FAM110B: variants seen among roughly 807,000 people sequenced by gnomAD.
The protein encoded by FAM110B is family with sequence similarity 110 member B.
FAM110B carries 6 observed loss-of-function variants against 20.4 expected under a neutral mutation model. That is an observed-to-expected ratio of 0.29 (90% CI 0.16 to 0.58). FAM110B has a LOEUF of 0.58. Among genes scored for constraint, FAM110B ranks in the 20% least tolerant of loss-of-function variants. The pLI, the probability that FAM110B is intolerant of heterozygous loss-of-function variation, is 0.90. For synonymous variants in FAM110B, 226 were observed against 214.1 expected (o/e 1.06, Z -0.49); for missense variants, 434 against 498.2 (o/e 0.87, Z 1.23).
At chr8:58,139,478 T>A (rs1803692235) in intron 3 of FAM110B, among the ~76,000 whole-genome samples, 1 of 152,194 alleles carries the variant, frequency 6.6e-6, no homozygotes, top group Non-Finnish European at 1.5e-5. Context: ...TCTGTCCAAT[T>A]TATAGTGTGC....
chr8:58,033,640 A>T (rs1172717645), intron 2 of FAM110B, among the ~76,000 whole-genome samples: 1 of 152,230 alleles, frequency 6.6e-6, no homozygotes, highest in Non-Finnish European at 1.5e-5. Flanking sequence ...GAGACATAAC[A>T]AGCAGCCAAC....
intron 3 of FAM110B, among the ~76,000 whole-genome samples, chr8:58,122,161 A>G (rs1807378537): frequency 6.6e-6 from 1 of 152,148 alleles, no homozygotes; most frequent in Non-Finnish European, 1.5e-5. Flanking sequence ...ATTTCCCTCA[A>G]TTTTGAAGAC....
chr8:58,096,726 A>C (rs1280626287), intron 3 of FAM110B, among the ~76,000 whole-genome samples: 1 of 152,126 alleles, frequency 6.6e-6, no homozygotes, highest in Non-Finnish European at 1.5e-5. Context: ...AGCTCTTGTA[A>C]GGCAAGCCTG....
At chr8:58,082,696 G>T (rs1423204524) in intron 3 of FAM110B, among the ~76,000 whole-genome samples, 1 of 152,196 alleles carries the variant, frequency 6.6e-6, no homozygotes, top group African/African-American at 2.4e-5. Flanking sequence ...ATGTTTGTGG[G>T]GCTGGGCACA....
rs3829008 is a variant in FAM110B at position 58,147,371 on chromosome 8, G to A, written c.*28G>A. The A allele has an allele frequency of 1.0e-4, 167 of 1,595,942 alleles. 2 individuals carry two copies. The East Asian group carries it at 3.6e-3, about 34-fold the overall frequency. ...CAGTGCGTGGAAAGGAGGGAGCGTG[G>A]GTCTCTGTGCTTACGCAGTTGTGAA... On this transcript the variant is annotated 3_prime_UTR_variant, in exon 4 of 4. Coordinates refer to ENST00000519262, the MANE Select transcript of FAM110B (RefSeq NM_001377989.1).
intron 3 of FAM110B, among the ~76,000 whole-genome samples, chr8:58,095,603 A>G (rs1309256181): frequency 6.6e-6 from 1 of 152,092 alleles, no homozygotes; most frequent in African/African-American, 2.4e-5. Context: ...GGTTTGAGAG[A>G]CTGTTTGATA....
intron 2 of FAM110B, among the ~76,000 whole-genome samples, chr8:58,067,264 T>C (rs1352653674): frequency 6.6e-6 from 1 of 152,234 alleles, no homozygotes; most frequent in Non-Finnish European, 1.5e-5. Flanking sequence ...CTGTAGTGCC[T>C]GCTCCTCCTT....
At chr8:58,140,926 T>C (rs1430409996) in intron 3 of FAM110B, among the ~76,000 whole-genome samples, 1 of 152,248 alleles carries the variant, frequency 6.6e-6, no homozygotes, top group Non-Finnish European at 1.5e-5. Context: ...TGAATCTTTT[T>C]TTTAAGTTCA....
intron 2 of FAM110B, among the ~76,000 whole-genome samples, chr8:58,043,470 T>TA (rs1805259600): frequency 6.6e-6 from 1 of 151,322 alleles, no homozygotes; most frequent in Admixed American, 6.6e-5. Flanking sequence ...ATAACTTTTT[T>TA]TATATATATT....
chr8:58,102,766 C>A (rs924572836), intron 3 of FAM110B, among the ~76,000 whole-genome samples: 8 of 152,104 alleles, frequency 5.3e-5, no homozygotes, highest in Non-Finnish European at 1.0e-4. Context: ...TCTCCACTTC[C>A]CTTCTTTTTG....
At chr8:57,998,181 A>G (rs1313662399) in intron 1 of FAM110B, among the ~76,000 whole-genome samples, 1 of 152,256 alleles carries the variant, frequency 6.6e-6, no homozygotes, top group Non-Finnish European at 1.5e-5. Context: ...TTTCAGGGGA[A>G]ACCTTTTAAG....
At chr8:58,092,776 C>G (rs190174062) in intron 3 of FAM110B, among the ~76,000 whole-genome samples, 6 of 152,204 alleles carry the variant, frequency 3.9e-5, no homozygotes, top group Middle Eastern at 3.4e-3. Context: ...ATGGGATTGC[C>G]GGGTCAGATG....
intron 3 of FAM110B, among the ~76,000 whole-genome samples, chr8:58,097,532 A>G (rs1294901450): frequency 1.3e-5 from 2 of 152,118 alleles, no homozygotes; most frequent in African/African-American, 4.8e-5. Flanking sequence ...CCACCTTCTG[A>G]AGACTACTTC....
chr8:58,114,284 G>A (rs895576040), intron 3 of FAM110B, among the ~76,000 whole-genome samples: 4 of 152,126 alleles, frequency 2.6e-5, no homozygotes, highest in African/African-American at 4.8e-5. Context: ...GCTATTCCTC[G>A]ATAGTCTAAT....
intron 1 of FAM110B, among the ~76,000 whole-genome samples, chr8:57,999,222 T>C (rs1804246624): frequency 6.6e-6 from 1 of 152,214 alleles, no homozygotes; most frequent in African/African-American, 2.4e-5. Flanking sequence ...CAAAAATGAA[T>C]ACCTAAGCAA....
At chr8:58,069,186 A>T (rs1427577679) in intron 2 of FAM110B, among the ~76,000 whole-genome samples, 1 of 152,196 alleles carries the variant, frequency 6.6e-6, no homozygotes, top group African/African-American at 2.4e-5. Flanking sequence ...CGATGGAGAC[A>T]TGTTGAGGTA....
At chr8:58,065,652 C>T (rs1351400623) in intron 2 of FAM110B, among the ~76,000 whole-genome samples, 1 of 151,680 alleles carries the variant, frequency 6.6e-6, no homozygotes, top group Admixed American at 6.6e-5. Context: ...GTTACTATGC[C>T]CATGGGATGA....
At chr8:58,040,270 T>C (rs1364045505) in intron 2 of FAM110B, among the ~76,000 whole-genome samples, 16 of 152,246 alleles carry the variant, frequency 1.1e-4, no homozygotes, top group Non-Finnish European at 2.9e-5. Flanking sequence ...ATCTGCATTC[T>C]GTGATAGTTT....
At chr8:58,119,022 A>T (rs1807287580) in intron 3 of FAM110B, among the ~76,000 whole-genome samples, 1 of 152,206 alleles carries the variant, frequency 6.6e-6, no homozygotes, top group East Asian at 1.9e-4. Flanking sequence ...TCCTTTAGAA[A>T]CCAAAAAACA....
Sources: allele counts gnomAD v4.1 joint callset (sites outside exome capture counted in the v4.1 genomes callset), GRCh38; gene constraint gnomAD v4.1.1; transcripts MANE v1.5; gene names NCBI Gene and HGNC (gene_info 2026-07-23, HGNC 2026-07-21).